The following UNC13C variants were observed in gnomAD, a reference collection of about 807,000 sequenced individuals.
UNC13C encodes protein unc-13 homolog C.
A neutral mutation model predicts 245.4 loss-of-function variants in UNC13C; 174 were observed. The observed-to-expected ratio is 0.71, with a 90% CI of 0.63 to 0.80. UNC13C has a LOEUF of 0.80. Ranked by LOEUF, UNC13C falls within the 30% of genes least tolerant of loss-of-function variation. The pLI is 0.00. For synonymous variants in UNC13C, 992 were observed against 895.1 expected, an observed-to-expected ratio of 1.11 and a Z score of -1.93; for missense variants, 2,829 against 2,602.9, an observed-to-expected ratio of 1.09 and a Z score of -1.89.
chr15:54,086,489 T>C (rs1899244939), intron 2 of UNC13C, among the ~76,000 whole-genome samples: 1 of 152,130 alleles, frequency 6.6e-6, no homozygotes, highest in Non-Finnish European at 1.5e-5. Flanking sequence ...CAAAATAAAA[T>C]GTTCATCAGA....
intron 2 of UNC13C, among the ~76,000 whole-genome samples, chr15:54,082,734 G>A (rs1437216887): frequency 6.6e-6 from 1 of 151,720 alleles, no homozygotes; most frequent in East Asian, 2.0e-4. Flanking sequence ...TCATTTTGAT[G>A]GGACTGTTTT....
the UNC13C span, among the ~76,000 whole-genome samples, chr15:53,917,347 T>G: frequency 6.6e-6 from 1 of 152,278 alleles, no homozygotes; most frequent in East Asian, 1.9e-4. Context: ...TGACACAGCT[T>G]TTAAGACTGG....
At chr15:54,075,377 C>T (rs528635864) in intron 2 of UNC13C, among the ~76,000 whole-genome samples, 4 of 151,570 alleles carry the variant, frequency 2.6e-5, no homozygotes, top group Admixed American at 6.6e-5. Context: ...TCCAGCCACT[C>T]GGGAGGCTGA....
intron 10 of UNC13C, among the ~76,000 whole-genome samples, chr15:54,275,080 A>T (rs1447635357): frequency 6.6e-6 from 1 of 152,202 alleles, no homozygotes; most frequent in Non-Finnish European, 1.5e-5. Flanking sequence ...AAACTTAAAT[A>T]TGCCAATGAT....
intron 17 of UNC13C, among the ~76,000 whole-genome samples, chr15:54,381,814 T>A (rs970792547): frequency 6.6e-6 from 1 of 152,104 alleles, no homozygotes; most frequent in Non-Finnish European, 1.5e-5. Context: ...AATGGAAGAT[T>A]TCAACATCCT....
chr15:54,388,411 C>T (rs1030221084), intron 17 of UNC13C, among the ~76,000 whole-genome samples: 1 of 152,166 alleles, frequency 6.6e-6, no homozygotes, highest in African/African-American at 2.4e-5. Context: ...CCCCACACTG[C>T]TTGGCAATGC....
intron 2 of UNC13C, among the ~76,000 whole-genome samples, chr15:54,058,105 T>C (rs1336672980): frequency 6.6e-6 from 1 of 151,834 alleles, no homozygotes; most frequent in Non-Finnish European, 1.5e-5. Flanking sequence ...AAGAAATAAC[T>C]AAGATCAGAG....
chr15:54,154,265 T>A (rs1447903582), intron 4 of UNC13C, among the ~76,000 whole-genome samples: 1 of 139,298 alleles, frequency 7.2e-6, no homozygotes, highest in Non-Finnish European at 1.5e-5. Context: ...TTGCATTGAA[T>A]CTGTAGATTG....
intron 2 of UNC13C, among the ~76,000 whole-genome samples, chr15:54,087,872 T>G (rs1291458233): frequency 6.6e-6 from 1 of 152,202 alleles, no homozygotes; most frequent in Non-Finnish European, 1.5e-5. Context: ...TAATTTCCAC[T>G]TCTAACCAAT....
chr15:53,937,445 A>C, the UNC13C span, among the ~76,000 whole-genome samples: 1 of 152,182 alleles, frequency 6.6e-6, no homozygotes, highest in Non-Finnish European at 1.5e-5. Flanking sequence ...GACAGAACCA[A>C]GTTACAAATC....
At chr15:54,407,003 A>C (rs1269359359) in intron 18 of UNC13C, among the ~76,000 whole-genome samples, 1 of 152,140 alleles carries the variant, frequency 6.6e-6, no homozygotes, top group East Asian at 1.9e-4. Context: ...ATTCATAGTA[A>C]GGGTTGGGGA....
intron 14 of UNC13C, among the ~76,000 whole-genome samples, chr15:54,323,143 C>T (rs1363349395): frequency 6.6e-6 from 1 of 151,398 alleles, no homozygotes; most frequent in Non-Finnish European, 1.5e-5. Flanking sequence ...GTTTAGAAAT[C>T]AAATTTTGAG....
rs1896509737 is a variant in UNC13C, at chr15:54,546,905, T to C, written c.5820+60T>C. On this transcript the variant is annotated intron_variant, in intron 27 of 32. Transcript: ENST00000260323. Reference sequence around the variant, plus strand: ...CCCATCTGTTTTTGGTTTAAGTGAATGGTTTTCATCCAGATGAAATACTAA... The same window carrying C: ...CCCATCTGTTTTTGGTTTAAGTGAACGGTTTTCATCCAGATGAAATACTAA... 24 of 1,434,808 alleles carry C rather than the reference T, an allele frequency of 1.7e-5. No individual in the cohort carries two copies. In the South Asian group the frequency reaches 3.1e-4, roughly 18 times the overall value. 88.9% of individuals were successfully genotyped at this position (1,434,808 alleles called of 1,614,324 possible). A position where few individuals can be genotyped will look rare whatever the true frequency, so the allele number is the denominator to read the frequency against.
intron 26 of UNC13C, among the ~76,000 whole-genome samples, chr15:54,540,747 A>C (rs58494114): frequency 0.045 from 6,818 of 152,126 alleles, 480 homozygotes; most frequent in African/African-American, 0.15. Flanking sequence ...TTTTAACTAA[A>C]AGAAATCCTA....
At chr15:54,054,644 C>G (rs778881881) in intron 2 of UNC13C, among the ~76,000 whole-genome samples, 2 of 152,008 alleles carry the variant, frequency 1.3e-5, no homozygotes, top group Non-Finnish European at 2.9e-5. Flanking sequence ...TAAGAACTTC[C>G]CACTTTCTCT....
At chr15:54,164,606 G>C (rs912563012) in intron 4 of UNC13C, among the ~76,000 whole-genome samples, 1 of 152,222 alleles carries the variant, frequency 6.6e-6, no homozygotes, top group Non-Finnish European at 1.5e-5. Context: ...TACAGCATCT[G>C]CTCTGTCAGT....
intron 19 of UNC13C, among the ~76,000 whole-genome samples, chr15:54,427,013 T>A (rs1392477592): frequency 6.6e-6 from 1 of 151,824 alleles, no homozygotes; most frequent in East Asian, 1.9e-4. Flanking sequence ...TATATCTGAA[T>A]AAAGAATCTA....
At chr15:53,883,968 G>T in the UNC13C span, among the ~76,000 whole-genome samples, 1 of 152,104 alleles carries the variant, frequency 6.6e-6, no homozygotes, top group African/African-American at 2.4e-5. Context: ...CTGAGGGTAG[G>T]TTCCTTCTGT....
intron 2 of UNC13C, among the ~76,000 whole-genome samples, chr15:54,065,710 G>A (rs1314325587): frequency 6.6e-6 from 1 of 152,158 alleles, no homozygotes; most frequent in Non-Finnish European, 1.5e-5. Flanking sequence ...AACTTTTGGG[G>A]TCCAGTCCGT....
Sources: allele counts gnomAD v4.1 joint callset (sites outside exome capture counted in the v4.1 genomes callset), GRCh38; gene constraint gnomAD v4.1.1; transcripts MANE v1.5; gene names NCBI Gene and HGNC (gene_info 2026-07-23, HGNC 2026-07-21).